Variants in MAOA observed in about 807,000 individuals in gnomAD.
MAOA encodes monoamine oxidase A, also known as amine oxidase [flavin-containing] A.
MAOA carries 6 observed loss-of-function variants against 42.0 expected under a neutral mutation model. That is an observed-to-expected ratio of 0.14 (90% confidence interval 0.08 to 0.28). The LOEUF is 0.28. MAOA is among the 10% of genes least tolerant of loss of function. The pLI is 1.00. For missense variants in MAOA, 262 were observed against 422.3 expected, an observed-to-expected ratio of 0.62 and a Z score of 3.33; for synonymous variants, 140 against 154.0, an observed-to-expected ratio of 0.91 and a Z score of 0.67.
intron 5 of MAOA, among the ~76,000 whole-genome samples, chrX:43,724,812 G>T (rs1646655924): frequency 8.9e-6 from 1 of 111,941 alleles, no homozygotes; most frequent in African/African-American, 3.2e-5. Flanking sequence ...TGGGCATTTA[G>T]TGCTATAAAT....
At chrX:43,697,478 A>G (rs192192387) in intron 3 of MAOA, among the ~76,000 whole-genome samples, 1 of 112,581 alleles carries the variant, frequency 8.9e-6, no homozygotes, top group Admixed American at 9.4e-5. Flanking sequence ...TTTAACTGTC[A>G]GAAAATAAAG....
rs191730062 is a variant in MAOA, at chrX:43,685,031, C to A, written c.168+1424C>A. On this transcript the variant is annotated intron_variant, in intron 2 of 14. Transcript: ENST00000338702. ...TAGCTAGGATTACAGGCACCCCCCC[C>A]ACCACGCCAGCCAATTTTGTATTTT... Among the ~76,000 whole-genome samples the A allele has an allele frequency of 1.1e-4, 12 of 108,572 alleles. No individual in the cohort carries two copies. In the South Asian group the frequency reaches 1.2e-3, roughly 11 times the overall value. 94.3% of individuals were successfully genotyped at this position (108,572 alleles called of 115,157 possible).
At chrX:43,722,754 C>G (rs899548241) in intron 5 of MAOA, among the ~76,000 whole-genome samples, 1 of 111,992 alleles carries the variant, frequency 8.9e-6, no homozygotes, top group Non-Finnish European at 1.9e-5. Flanking sequence ...GTTATGAAGT[C>G]TTTGTCCATC....
chrX:43,704,463 A>C (rs973336904), intron 3 of MAOA, among the ~76,000 whole-genome samples: 2 of 111,472 alleles, frequency 1.8e-5, no homozygotes, highest in African/African-American at 6.5e-5. Flanking sequence ...ACCACTAGAA[A>C]AACTAAGAAT....
chrX:43,692,000 G>GACACACACACACACAC (rs753022851), intron 2 of MAOA, among the ~76,000 whole-genome samples: 6 of 65,014 alleles, frequency 9.2e-5, no homozygotes, highest in African/African-American at 2.5e-4. Flanking sequence ...GCACTGTATA[G>GACACACACACACACAC]ACACACACAC....
intron 5 of MAOA, among the ~76,000 whole-genome samples, chrX:43,725,601 C>G (rs935252177): frequency 9.0e-5 from 10 of 111,135 alleles, no homozygotes; most frequent in Non-Finnish European, 1.7e-4. Context: ...ATACAGCACA[C>G]CGATGGGTCT....
At chrX:43,708,637 T>C (rs959940729) in intron 3 of MAOA, among the ~76,000 whole-genome samples, 1 of 109,023 alleles carries the variant, frequency 9.2e-6, no homozygotes, top group Non-Finnish European at 1.9e-5. Flanking sequence ...AAGTTTATGT[T>C]ATGGGCCTTT....
intron 10 of MAOA, among the ~76,000 whole-genome samples, chrX:43,740,275 A>T (rs1211584709): frequency 8.9e-6 from 1 of 112,226 alleles, no homozygotes; most frequent in African/African-American, 3.2e-5. Context: ...ACCATCACTT[A>T]TACTATAGAC....
chrX:43,736,148 A>ATT (rs2033918492), intron 9 of MAOA, 79 bp from the exon 10 acceptor site: 5 of 713,996 alleles, frequency 7.0e-6, no homozygotes, highest in Non-Finnish European at 2.2e-6. Flanking sequence ...GCTACAGGTT[A>ATT]AGAATACTTC....
chrX:43,744,029 C>T lies in MAOA; in HGVS notation c.1375-80C>T, dbSNP rs534188764. 1.8e-4 allele frequency: 210 copies of T among 1,189,268 alleles called. 1 individual carries two copies. In the South Asian group the frequency reaches 3.2e-3, roughly 18 times the overall value. On this transcript the variant is annotated intron_variant, in intron 13 of 14. Coordinates refer to ENST00000338702, the MANE Select transcript of MAOA (RefSeq NM_000240.4). ...ATTTCTCTGCCCCTCACTCATGGGG[C>T]TCATCTGTGGCTAGCAGGGCCTTGA...
intron 2 of MAOA, among the ~76,000 whole-genome samples, chrX:43,692,000 G>GACACACAC (rs753022851): frequency 0.066 from 4,305 of 64,923 alleles, 146 homozygotes; most frequent in Middle Eastern, 0.11. Context: ...GCACTGTATA[G>GACACACAC]ACACACACAC....
At position 43,731,114 on chromosome X, in the gene MAOA, C is replaced by T. The variant is rs1328646249; in HGVS notation, c.646-127C>T. Reference sequence around the variant, plus strand: ...CCTCTGTCCTAATGAAGTCTTCTGACAGTTAAGTGTGCAGACGTTAGAGGT... The same window carrying T: ...CCTCTGTCCTAATGAAGTCTTCTGATAGTTAAGTGTGCAGACGTTAGAGGT... On this transcript the variant is annotated intron_variant, in intron 6 of 14. Coordinates refer to ENST00000338702, the MANE Select transcript of MAOA (RefSeq NM_000240.4). The T allele has an allele frequency of 6.5e-6, 4 of 618,531 alleles. No homozygotes were observed. The East Asian group carries it at 1.3e-4, about 21-fold the overall frequency. 51.0% of individuals were successfully genotyped at this position (618,531 alleles called of 1,213,427 possible). A position where few individuals can be genotyped will look rare whatever the true frequency, so the allele number is the denominator to read the frequency against.
chrX:43,740,780 G>A, intron 11 of MAOA, 42 bp downstream of exon 11: 1 of 1,112,467 alleles, frequency 9.0e-7, no homozygotes, highest in Non-Finnish European at 1.2e-6. Flanking sequence ...GTTCTTCTCT[G>A]TTCACTATAA....
At chrX:43,712,483 C>A (rs1219582949) in intron 4 of MAOA, among the ~76,000 whole-genome samples, 1 of 111,410 alleles carries the variant, frequency 9.0e-6, no homozygotes, top group Non-Finnish European at 1.9e-5. Context: ...TGTACATAGA[C>A]ATATATAATA....
chrX:43,695,618 G>C (rs947015477), intron 3 of MAOA, among the ~76,000 whole-genome samples: 1 of 111,698 alleles, frequency 9.0e-6, no homozygotes, highest in African/African-American at 3.3e-5. Flanking sequence ...TGTAGTCCCA[G>C]CTATTTGGGA....
At chrX:43,659,923 T>A (rs1322257363) in intron 1 of MAOA, among the ~76,000 whole-genome samples, 5 of 111,359 alleles carry the variant, frequency 4.5e-5, no homozygotes, top group African/African-American at 6.5e-5. Context: ...GACTCTTTTT[T>A]AAAAGTATTT....
intron 9 of MAOA, among the ~76,000 whole-genome samples, chrX:43,735,997 A>C (rs2033917511): frequency 8.9e-6 from 1 of 112,892 alleles, no homozygotes; most frequent in Admixed American, 9.4e-5. Context: ...CTTTAGAAGT[A>C]AAATATTGAA....
At chrX:43,727,685 T>G (rs1416555814) in intron 5 of MAOA, among the ~76,000 whole-genome samples, 1 of 112,811 alleles carries the variant, frequency 8.9e-6, no homozygotes, top group Non-Finnish European at 1.9e-5. Context: ...GCGCAGTATC[T>G]GCGCAAGAGT....
chrX:43,716,235 G>A lies in MAOA; in HGVS notation c.503+3439G>A, dbSNP rs765541656. On this transcript the variant is annotated intron_variant, in intron 5 of 14. Coordinates refer to ENST00000338702, the MANE Select transcript of MAOA (RefSeq NM_000240.4). ...CCAGGAATGAGCCACCGAGGTTGGG[G>A]TGAGACAGGTAGGTGGATGGTTTTG... Among the ~76,000 whole-genome samples, 6 of 111,488 alleles carry A rather than the reference G, an allele frequency of 5.4e-5. No homozygotes were observed. The East Asian group carries it at 1.4e-3, about 27-fold the overall frequency.
Sources: gnomAD v4.1 joint callset for allele counts (sites outside exome capture counted in the v4.1 genomes callset) on GRCh38, gnomAD v4.1.1 for gene constraint, MANE v1.5 for transcripts, NCBI Gene and HGNC (gene_info 2026-07-23, HGNC 2026-07-21) for gene names.